The following PCCA variants were observed in gnomAD, a reference collection of about 807,000 sequenced individuals.
The protein encoded by PCCA is propionyl-CoA carboxylase alpha chain, mitochondrial.
A neutral mutation model predicts 101.3 loss-of-function variants in PCCA; 74 were observed. The ratio of observed to expected loss-of-function variants is 0.73; its 90% CI spans 0.61 to 0.89. The LOEUF (loss-of-function observed/expected upper bound fraction) is 0.89, where lower values mean the gene tolerates loss of function less well. Ranked by LOEUF, PCCA falls within the 40% of genes least tolerant of loss-of-function variation. PCCA has a pLI of 0.00. For synonymous variants in PCCA, 294 were observed against 313.6 expected, an observed-to-expected ratio of 0.94 and a Z score of 0.66; for missense variants, 891 against 907.0, an observed-to-expected ratio of 0.98 and a Z score of 0.23.
At chr13:100,239,476 C>G (rs2060994405) in intron 8 of PCCA, among the ~76,000 whole-genome samples, 1 of 152,142 alleles carries the variant, frequency 6.6e-6, no homozygotes, top group Non-Finnish European at 1.5e-5. Context: ...AGGTGAGAGA[C>G]AGTTAAGACT....
At chr13:100,367,295 G>A (rs1224811226) in intron 18 of PCCA, among the ~76,000 whole-genome samples, 1 of 152,134 alleles carries the variant, frequency 6.6e-6, no homozygotes, top group Non-Finnish European at 1.5e-5. Context: ...CGTATGATAA[G>A]ACTAACATTG....
intron 19 of PCCA, among the ~76,000 whole-genome samples, chr13:100,393,022 G>C (rs1039478297): frequency 2.0e-4 from 30 of 149,272 alleles, no homozygotes; most frequent in Middle Eastern, 3.4e-3. Context: ...TTTTACTAAG[G>C]TCTTCTGCCA....
chr13:100,273,947 A>G (rs2063475432), intron 12 of PCCA, among the ~76,000 whole-genome samples: 1 of 152,208 alleles, frequency 6.6e-6, no homozygotes, highest in South Asian at 2.1e-4. Context: ...CTTTCATTTA[A>G]ATTGTGAACT....
intron 10 of PCCA, among the ~76,000 whole-genome samples, chr13:100,263,658 A>C (rs185020456): frequency 5.3e-5 from 8 of 152,226 alleles, no homozygotes; most frequent in Admixed American, 4.6e-4. Flanking sequence ...AAACTTATAT[A>C]ATCAGTTGGA....
chr13:100,499,583 C>G (rs997178388), intron 21 of PCCA, among the ~76,000 whole-genome samples: 2 of 152,184 alleles, frequency 1.3e-5, no homozygotes, highest in African/African-American at 2.4e-5. Context: ...TAAGGCGGTT[C>G]CAGCCTTTCA....
At chr13:100,428,349 C>T (rs1387078845) in intron 20 of PCCA, among the ~76,000 whole-genome samples, 1 of 140,780 alleles carries the variant, frequency 7.1e-6, no homozygotes, top group Non-Finnish European at 1.6e-5. Context: ...CACCCCCACC[C>T]CCACCCCCCC....
intron 20 of PCCA, among the ~76,000 whole-genome samples, chr13:100,434,345 T>G (rs1797840838): frequency 6.6e-6 from 1 of 152,184 alleles, no homozygotes; most frequent in African/African-American, 2.4e-5. Flanking sequence ...TGAGGCCTTC[T>G]CTTTGGGGTA....
chr13:100,477,976 G>T (rs186507829), intron 21 of PCCA, among the ~76,000 whole-genome samples: 1 of 152,226 alleles, frequency 6.6e-6, no homozygotes, highest in Non-Finnish European at 1.5e-5. Flanking sequence ...CTGCGCTGAC[G>T]GCCGCTCCAG....
chr13:100,119,724 A>C (rs1275522080), intron 4 of PCCA, among the ~76,000 whole-genome samples: 2 of 152,128 alleles, frequency 1.3e-5, no homozygotes, highest in African/African-American at 4.8e-5. Flanking sequence ...TTTAGACAGA[A>C]GGGTTTCCTT....
intron 8 of PCCA, among the ~76,000 whole-genome samples, chr13:100,247,249 A>C: frequency 2.5e-5 from 3 of 119,334 alleles, no homozygotes; most frequent in Non-Finnish European, 3.3e-5. Flanking sequence ...ACAGAGTCTC[A>C]CTCTGTCGCC....
At chr13:100,433,165 T>C (rs1365522736) in intron 20 of PCCA, among the ~76,000 whole-genome samples, 1 of 152,276 alleles carries the variant, frequency 6.6e-6, no homozygotes, top group Non-Finnish European at 1.5e-5. Flanking sequence ...GTGGAATTGC[T>C]GGATCACGTG....
At chr13:100,101,207 T>C (rs9513730) in intron 1 of PCCA, among the ~76,000 whole-genome samples, 140,675 of 152,302 alleles carry the variant, frequency 0.92, 65,071 homozygotes, top group East Asian at 0.99. Context: ...TGTGGAACAA[T>C]ATCATATCTT....
chr13:100,475,407 G>A (rs2083341849), intron 21 of PCCA, among the ~76,000 whole-genome samples: 1 of 152,142 alleles, frequency 6.6e-6, no homozygotes, highest in Admixed American at 6.5e-5. Flanking sequence ...CTTAGGAAAG[G>A]AATCATACAG....
chr13:100,527,346 T>G (rs749714558), intron 22 of PCCA: 2 of 489,652 alleles, frequency 4.1e-6, no homozygotes, highest in Non-Finnish European at 4.2e-6. Context: ...ACATTTCAGG[T>G]AAGTGGAAAA....
At chr13:100,317,048 A>T (rs572608400) in intron 16 of PCCA, among the ~76,000 whole-genome samples, 1 of 152,040 alleles carries the variant, frequency 6.6e-6, no homozygotes, top group African/African-American at 2.4e-5. Context: ...GAACAATACT[A>T]TTTCTGTTTA....
intron 16 of PCCA, among the ~76,000 whole-genome samples, chr13:100,311,836 T>C (rs902375366): frequency 1.3e-5 from 2 of 152,226 alleles, no homozygotes; most frequent in Non-Finnish European, 2.9e-5. Context: ...ATATGAAATT[T>C]ACTAAATCAT....
At chr13:100,184,286 T>G (rs9585372) in intron 6 of PCCA, among the ~76,000 whole-genome samples, 9,437 of 152,278 alleles carry the variant, frequency 0.062, 980 homozygotes, top group African/African-American at 0.21. Flanking sequence ...GTCTCTTGAT[T>G]GTTGCTGTTT....
intron 21 of PCCA, among the ~76,000 whole-genome samples, chr13:100,475,082 C>T (rs540796698): frequency 2.6e-5 from 4 of 151,722 alleles, no homozygotes; most frequent in Admixed American, 1.3e-4. Context: ...AGGTCTCATT[C>T]TGTTGCCCAG....
At chr13:100,260,936 A>C (rs2062458803) in intron 9 of PCCA, among the ~76,000 whole-genome samples, 2 of 151,954 alleles carry the variant, frequency 1.3e-5, no homozygotes, top group African/African-American at 4.8e-5. Flanking sequence ...CAAAACAAAT[A>C]GAGCAATAGG....
Sources: allele counts gnomAD v4.1 joint callset (sites outside exome capture counted in the v4.1 genomes callset), GRCh38; gene constraint gnomAD v4.1.1; transcripts MANE v1.5; gene names NCBI Gene and HGNC (gene_info 2026-07-23, HGNC 2026-07-21).